NRG1: variants seen among roughly 807,000 people sequenced by gnomAD.
The protein encoded by NRG1 is neuregulin 1.
Under a neutral mutation model 63.8 loss-of-function variants are expected in NRG1, and 18 were observed. The observed-to-expected ratio is 0.28, with a 90% CI of 0.19 to 0.42. The LOEUF (loss-of-function observed/expected upper bound fraction) is 0.42, where lower values mean the gene tolerates loss of function less well. NRG1 is among the 10% of genes least tolerant of loss of function. The probability of loss-of-function intolerance (pLI) is 1.00; values close to 1 mark genes in which losing one functional copy is unlikely to be tolerated. For synonymous variants in NRG1, 302 were observed against 301.3 expected, an observed-to-expected ratio of 1.00 and a Z score of -0.02; for missense variants, 762 against 814.7, an observed-to-expected ratio of 0.94 and a Z score of 0.79.
chr8:31,675,083 C>T (rs1807544194), intron 1 of NRG1, among the ~76,000 whole-genome samples: 1 of 152,212 alleles, frequency 6.6e-6, no homozygotes, highest in South Asian at 2.1e-4. Context: ...TGGCTCATGC[C>T]TGTAATCCCA....
chr8:31,771,721 G>A (rs563609195), intron 1 of NRG1, among the ~76,000 whole-genome samples: 1 of 152,276 alleles, frequency 6.6e-6, no homozygotes, highest in African/African-American at 2.4e-5. Context: ...ATGGTGCATG[G>A]CTATAGTTTC....
intron 1 of NRG1, among the ~76,000 whole-genome samples, chr8:31,932,546 C>T (rs1344200097): frequency 2.6e-5 from 4 of 152,130 alleles, no homozygotes; most frequent in South Asian, 2.1e-4. Flanking sequence ...TGTTAAAAGT[C>T]GTCAGGAGTG....
chr8:32,671,108 CATTTGGGTTTGT>C (rs1450013890), intron 5 of NRG1, among the ~76,000 whole-genome samples: 10 of 149,922 alleles, frequency 6.7e-5, no homozygotes, highest in African/African-American at 2.4e-4. Flanking sequence ...CCACTATATT[CATTTGGGTTTGT>C]TCTTATGCTT....
chr8:31,681,721 G>C (rs1416884936), intron 1 of NRG1, among the ~76,000 whole-genome samples: 1 of 148,874 alleles, frequency 6.7e-6, no homozygotes, highest in Non-Finnish European at 1.5e-5. Context: ...ATAATTATAT[G>C]CATTATATAT....
intron 1 of NRG1, among the ~76,000 whole-genome samples, chr8:31,922,987 T>A (rs2129619137): frequency 6.6e-6 from 1 of 151,906 alleles, no homozygotes; most frequent in Admixed American, 6.6e-5. Context: ...CCTGGAAGGG[T>A]TCTGGGAAGA....
chr8:32,016,253 G>A (rs1815519882), intron 1 of NRG1, among the ~76,000 whole-genome samples: 1 of 151,784 alleles, frequency 6.6e-6, no homozygotes, highest in South Asian at 2.1e-4. Context: ...TGTAGAGATG[G>A]GGTCTTGCTA....
At chr8:32,233,092 T>C (rs1303537553) in intron 1 of NRG1, among the ~76,000 whole-genome samples, 5 of 152,228 alleles carry the variant, frequency 3.3e-5, no homozygotes, top group East Asian at 3.9e-4. Flanking sequence ...TTGAAGTGTA[T>C]ATTATTATTA....
chr8:32,550,828 T>G (rs1833966138), intron 1 of NRG1, among the ~76,000 whole-genome samples: 1 of 152,252 alleles, frequency 6.6e-6, no homozygotes, highest in Non-Finnish European at 1.5e-5. Flanking sequence ...TTTGCTTAAC[T>G]GTCTTCCCTG....
intron 1 of NRG1, among the ~76,000 whole-genome samples, chr8:32,419,777 C>T (rs964139408): frequency 6.6e-6 from 1 of 152,144 alleles, no homozygotes; most frequent in South Asian, 2.1e-4. Flanking sequence ...ACTAGTACAA[C>T]ATAACGCAGC....
chr8:32,109,637 ATAGT>A (rs1365891297), intron 1 of NRG1, among the ~76,000 whole-genome samples: 51 of 152,226 alleles, frequency 3.4e-4, no homozygotes, highest in African/African-American at 7.9e-4. Flanking sequence ...CCAGGAGGTC[ATAGT>A]TAGTTGTGTG....
intron 1 of NRG1, among the ~76,000 whole-genome samples, chr8:31,981,134 T>C (rs975714478): frequency 5.9e-5 from 9 of 152,050 alleles, no homozygotes; most frequent in African/African-American, 2.2e-4. Context: ...TATGGGACTT[T>C]GGCCACATAC....
intron 1 of NRG1, among the ~76,000 whole-genome samples, chr8:32,404,236 C>T (rs1391101316): frequency 2.0e-5 from 3 of 152,030 alleles, no homozygotes; most frequent in Non-Finnish European, 4.4e-5. Context: ...GCAGTGGTAC[C>T]CACAATGCCA....
At chr8:31,956,935 T>C (rs1804536952) in intron 1 of NRG1, among the ~76,000 whole-genome samples, 1 of 152,196 alleles carries the variant, frequency 6.6e-6, no homozygotes, top group Non-Finnish European at 1.5e-5. Flanking sequence ...GTTTGGAGAA[T>C]AGATGTGAAT....
intron 1 of NRG1, among the ~76,000 whole-genome samples, chr8:32,233,364 C>T (rs1453197005): frequency 1.3e-5 from 2 of 151,676 alleles, no homozygotes; most frequent in African/African-American, 2.4e-5. Context: ...CTCCCACCTC[C>T]TCCTCCCAAA....
intron 1 of NRG1, among the ~76,000 whole-genome samples, chr8:32,010,006 G>A (rs1814485282): frequency 6.6e-6 from 1 of 151,738 alleles, no homozygotes; most frequent in South Asian, 2.1e-4. Flanking sequence ...AGAAGGTGAT[G>A]TAATCTCTCC....
chr8:31,892,821 C>A (rs571048630), intron 1 of NRG1, among the ~76,000 whole-genome samples: 2 of 152,032 alleles, frequency 1.3e-5, no homozygotes, highest in South Asian at 4.1e-4. Context: ...TTTAAGCTAA[C>A]GTATTTACTT....
chr8:32,554,101 T>C (rs1834647073), intron 1 of NRG1, among the ~76,000 whole-genome samples: 1 of 152,174 alleles, frequency 6.6e-6, no homozygotes, highest in African/African-American at 2.4e-5. Context: ...GAACTTCTGG[T>C]AGTTTAGTTA....
chr8:32,295,630 G>A (rs1455743492), intron 1 of NRG1, among the ~76,000 whole-genome samples: 3 of 152,076 alleles, frequency 2.0e-5, no homozygotes, highest in African/African-American at 7.2e-5. Flanking sequence ...TCTATCTCCA[G>A]GGAAGTCAAG....
chr8:32,105,945 A>C (rs1831201822), intron 1 of NRG1, among the ~76,000 whole-genome samples: 3 of 151,894 alleles, frequency 2.0e-5, no homozygotes, highest in Non-Finnish European at 4.4e-5. Flanking sequence ...AGCAGTGGAA[A>C]TTCATCTGGA....
Sources: allele counts gnomAD v4.1 joint callset (sites outside exome capture counted in the v4.1 genomes callset), GRCh38; gene constraint gnomAD v4.1.1; transcripts MANE v1.5; gene names NCBI Gene and HGNC (gene_info 2026-07-23, HGNC 2026-07-21).